The following NELL1 variants were observed in gnomAD, a reference collection of about 807,000 sequenced individuals.
NELL1 encodes protein kinase C-binding protein NELL1.
Under a neutral mutation model 107.4 loss-of-function variants are expected in NELL1, and 76 were observed. The ratio of observed to expected loss-of-function variants is 0.71; its 90% CI spans 0.59 to 0.86. The LOEUF is 0.86. Among genes scored for constraint, NELL1 ranks in the 40% least tolerant of loss-of-function variants. The probability of loss-of-function intolerance (pLI) is 0.00; values close to 1 mark genes in which losing one functional copy is unlikely to be tolerated. For missense variants in NELL1, 1,024 were observed against 1,005.5 expected (o/e 1.02, Z -0.25); for synonymous variants, 353 against 341.2 (o/e 1.03, Z -0.38).
chr11:21,091,331 C>G (rs1854515429), intron 12 of NELL1, among the ~76,000 whole-genome samples: 1 of 152,172 alleles, frequency 6.6e-6, no homozygotes, highest in Non-Finnish European at 1.5e-5. Context: ...CTTTATATAA[C>G]TCTGGTTTAA....
At chr11:21,485,336 C>A (rs561382749) in intron 15 of NELL1, among the ~76,000 whole-genome samples, 1 of 152,210 alleles carries the variant, frequency 6.6e-6, no homozygotes, top group East Asian at 1.9e-4. Context: ...GTTGTGGGAC[C>A]AAGATGTGAG....
rs142874729 is a variant in NELL1, at chr11:21,323,794, A to G, written c.1550-47059A>G. On this transcript the variant is annotated intron_variant, in intron 14 of 19. Transcript: ENST00000357134. ...TTGTTATCTGATACCTTCCAGTGACATACAGGTTCCACTGAAGATAAAGAC... is the reference window on the plus strand; with the variant it reads ...TTGTTATCTGATACCTTCCAGTGACGTACAGGTTCCACTGAAGATAAAGAC... Among the ~76,000 whole-genome samples the G allele has an allele frequency of 2.2e-3, 334 of 152,254 alleles. 1 individual carries two copies. The highest frequency in any genetic ancestry group is 7.8e-3 in the African/African-American group (323 of 41,562).
chr11:21,484,330 T>C lies in NELL1; in HGVS notation c.1646-50044T>C, dbSNP rs893078148. Among the ~76,000 whole-genome samples, 3 of 151,956 alleles carry C rather than the reference T, an allele frequency of 2.0e-5. No homozygotes were observed. The South Asian group carries it at 6.2e-4, about 32-fold the overall frequency. On this transcript the variant is annotated intron_variant, in intron 15 of 19. Coordinates refer to ENST00000357134, the MANE Select transcript of NELL1 (RefSeq NM_006157.5). The stretch of plus-strand genomic sequence containing the variant: ...CCACCACCATTTTGGTGACCGTTCT[T>C]ATATGCATCATCTTTTTAAAAAATA...
chr11:20,739,463 A>AT (rs2133932042), intron 2 of NELL1, among the ~76,000 whole-genome samples: 1 of 152,310 alleles, frequency 6.6e-6, no homozygotes, highest in East Asian at 1.9e-4. Flanking sequence ...TGCTCTTTAA[A>AT]TGTTCCCAGC....
Position 20,907,232 on chromosome 11 carries a change from C to CA in NELL1, c.604-10932dup, listed in dbSNP as rs5790146. Among the ~76,000 whole-genome samples the CA allele has an allele frequency of 8.4e-3, 1,044 of 124,924 alleles. 17 individuals carry two copies. The highest frequency in any genetic ancestry group is 0.027 in the African/African-American group (920 of 34,694). The allele number at this position is 124,924 out of a possible 152,430, so 82.0% of individuals were successfully genotyped here. On this transcript the variant is annotated intron_variant, in intron 5 of 19. Transcript: ENST00000357134. ...TACAATGGATTCTGTGACTCCATCT[C>CA]AAAAAAAAAAAAAAAAAATTTCTTC...
intron 15 of NELL1, among the ~76,000 whole-genome samples, chr11:21,446,267 A>T: frequency 6.6e-6 from 1 of 152,034 alleles, no homozygotes; most frequent in East Asian, 1.9e-4. Flanking sequence ...ATTTCTTTGA[A>T]TTTCCTCAAA....
intron 2 of NELL1, among the ~76,000 whole-genome samples, chr11:20,704,528 T>C (rs1202370552): frequency 6.6e-6 from 1 of 152,236 alleles, no homozygotes; most frequent in Non-Finnish European, 1.5e-5. Context: ...TTAGTATGTG[T>C]GAATTTGATC....
intron 14 of NELL1, among the ~76,000 whole-genome samples, chr11:21,369,531 G>A (rs1851310003): frequency 6.8e-6 from 1 of 147,158 alleles, no homozygotes; most frequent in Admixed American, 6.8e-5. Context: ...TAAATAATGT[G>A]GAAAACAACA....
At chr11:21,015,166 T>A (rs1354674503) in intron 12 of NELL1, among the ~76,000 whole-genome samples, 1 of 152,104 alleles carries the variant, frequency 6.6e-6, no homozygotes, top group African/African-American at 2.4e-5. Flanking sequence ...GTGCTCAATT[T>A]TCTTGCAGCT....
intron 16 of NELL1, among the ~76,000 whole-genome samples, chr11:21,547,862 C>T (rs1856481748): frequency 6.6e-6 from 1 of 151,854 alleles, no homozygotes; most frequent in Non-Finnish European, 1.5e-5. Context: ...TGAATTTTCT[C>T]ATTGCCACGT....
At chr11:21,332,154 A>G (rs1390184258) in intron 14 of NELL1, among the ~76,000 whole-genome samples, 1 of 152,074 alleles carries the variant, frequency 6.6e-6, no homozygotes, top group African/African-American at 2.4e-5. Context: ...TTAAGCTTCC[A>G]TACGTTCTTG....
intron 14 of NELL1, among the ~76,000 whole-genome samples, chr11:21,235,004 G>A (rs539117412): frequency 1.1e-4 from 17 of 152,250 alleles, no homozygotes; most frequent in African/African-American, 2.6e-4. Flanking sequence ...GCTGTGAATC[G>A]GAGAAGATGA....
intron 4 of NELL1, among the ~76,000 whole-genome samples, chr11:20,865,344 A>C (rs1325051133): frequency 1.3e-5 from 2 of 152,206 alleles, no homozygotes; most frequent in African/African-American, 4.8e-5. Flanking sequence ...GATTAACCAA[A>C]ATGTCACCTC....
chr11:21,274,799 A>G (rs1848818698), intron 14 of NELL1, among the ~76,000 whole-genome samples: 2 of 152,188 alleles, frequency 1.3e-5, no homozygotes, highest in Admixed American at 6.5e-5. Flanking sequence ...CTGAATGACT[A>G]CTGGGTACGT....
chr11:21,368,919 G>T (rs898747081), intron 14 of NELL1, among the ~76,000 whole-genome samples: 2 of 151,898 alleles, frequency 1.3e-5, no homozygotes, highest in Non-Finnish European at 2.9e-5. Context: ...TTTAATCATC[G>T]TACTACTCTG....
At chr11:20,790,147 G>A (rs1394086131) in intron 3 of NELL1, among the ~76,000 whole-genome samples, 1 of 152,294 alleles carries the variant, frequency 6.6e-6, no homozygotes, top group South Asian at 2.1e-4. Context: ...GCCTGAAGGC[G>A]AAGCCTCACT....
At chr11:21,272,616 C>T (rs1470202261) in intron 14 of NELL1, among the ~76,000 whole-genome samples, 1 of 152,220 alleles carries the variant, frequency 6.6e-6, no homozygotes, top group Non-Finnish European at 1.5e-5. Context: ...TCAAGTGGGT[C>T]TCTGACACCC....
At chr11:20,927,267 A>G (rs766364338) in intron 7 of NELL1, 41 bp from the exon 8 acceptor site, 17 of 1,575,356 alleles carry the variant, frequency 1.1e-5, no homozygotes, top group African/African-American at 9.6e-5. Context: ...GGATGATGCA[A>G]TTGAATTACA....
chr11:21,002,175 A>T (rs1217936853), intron 12 of NELL1, among the ~76,000 whole-genome samples: 1 of 151,460 alleles, frequency 6.6e-6, no homozygotes, highest in Non-Finnish European at 1.5e-5. Flanking sequence ...GCCTCTCCAT[A>T]TATTTCACAG....
Sources: gnomAD v4.1 joint callset for allele counts (sites outside exome capture counted in the v4.1 genomes callset) on GRCh38, gnomAD v4.1.1 for gene constraint, MANE v1.5 for transcripts, NCBI Gene and HGNC (gene_info 2026-07-23, HGNC 2026-07-21) for gene names.